LRRC37A2: variants seen among roughly 807,000 people sequenced by gnomAD.
LRRC37A2 encodes leucine-rich repeat-containing protein 37A2.
A neutral mutation model predicts 68.8 loss-of-function variants in LRRC37A2; 9 were observed. The observed-to-expected ratio is 0.13, with a 90% confidence interval of 0.08 to 0.23. The LOEUF (loss-of-function observed/expected upper bound fraction) is 0.23, where lower values mean the gene tolerates loss of function less well. Ranked by LOEUF, LRRC37A2 falls within the 10% of genes least tolerant of loss-of-function variation. LRRC37A2 has a pLI of 1.00. For missense variants in LRRC37A2, 168 were observed against 950.4 expected, an observed-to-expected ratio of 0.18 and a Z score of 10.82; for synonymous variants, 63 against 367.6, an observed-to-expected ratio of 0.17 and a Z score of 9.48.
the LRRC37A2 span, among the ~76,000 whole-genome samples, chr17:46,812,460 G>T: frequency 1.3e-5 from 2 of 152,182 alleles, no homozygotes; most frequent in Admixed American, 1.3e-4. Flanking sequence ...TGCTCAGGCT[G>T]CTCTGGGCGG....
the LRRC37A2 span, chr17:46,875,144 C>T: frequency 6.2e-7 from 1 of 1,613,984 alleles, no homozygotes; most frequent in African/African-American, 1.3e-5. Flanking sequence ...CCTCTGCCGC[C>T]CTCACCCACA....
At chr17:46,830,289 T>A in the LRRC37A2 span, among the ~76,000 whole-genome samples, 2 of 152,214 alleles carry the variant, frequency 1.3e-5, no homozygotes, top group African/African-American at 4.8e-5. Context: ...TCTCGCTCTG[T>A]CGCCTGGGCT....
chr17:46,994,889 A>G, the LRRC37A2 span, among the ~76,000 whole-genome samples: 3 of 152,176 alleles, frequency 2.0e-5, no homozygotes, highest in Admixed American at 2.0e-4. Context: ...TGGGAGGCCA[A>G]AGTGGGTGGA....
the LRRC37A2 span, among the ~76,000 whole-genome samples, chr17:46,779,909 T>A: frequency 6.6e-6 from 1 of 152,072 alleles, no homozygotes; most frequent in Non-Finnish European, 1.5e-5. Flanking sequence ...GAGGCATGCG[T>A]CACCATGCCC....
chr17:46,781,104 T>G, the LRRC37A2 span, among the ~76,000 whole-genome samples: 42 of 152,052 alleles, frequency 2.8e-4, no homozygotes, highest in African/African-American at 9.6e-4. Context: ...GGTGCGTGCC[T>G]GTAGTCCCAG....
chr17:46,713,924 A>G, the LRRC37A2 span: 1 of 1,612,444 alleles, frequency 6.2e-7, no homozygotes, highest in South Asian at 1.1e-5. Context: ...GTTCATCAAG[A>G]TCTGTTCTCC....
chr17:46,819,940 C>T, the LRRC37A2 span, among the ~76,000 whole-genome samples: 1 of 152,244 alleles, frequency 6.6e-6, no homozygotes, highest in Admixed American at 6.5e-5. This position sits in a 1 kb window ranked among gnomAD's most constrained non-coding sequence, Gnocchi z 5.3. Context: ...CAGGACTCTG[C>T]GCAGCCCCGG....
At chr17:46,854,033 C>T in the LRRC37A2 span, among the ~76,000 whole-genome samples, 4,126 of 152,268 alleles carry the variant, frequency 0.027, 76 homozygotes, top group Non-Finnish European at 0.042. Flanking sequence ...GGAGCCACCT[C>T]TTCCAGGTCA....
chr17:46,824,288 G>C, the LRRC37A2 span, among the ~76,000 whole-genome samples: 2 of 151,968 alleles, frequency 1.3e-5, no homozygotes, highest in Non-Finnish European at 2.9e-5. Context: ...TTGCTCTGTC[G>C]CTCAGGCTGG....
At chr17:46,749,283 C>T in the LRRC37A2 span, among the ~76,000 whole-genome samples, 1 of 152,068 alleles carries the variant, frequency 6.6e-6, no homozygotes. Context: ...TTAAATGTGA[C>T]AATTATGGAA....
the LRRC37A2 span, among the ~76,000 whole-genome samples, chr17:46,848,816 A>T: frequency 6.6e-6 from 1 of 152,162 alleles, no homozygotes; most frequent in African/African-American, 2.4e-5. Flanking sequence ...CTGCTACGTC[A>T]GCTCTCCCAG....
At chr17:46,786,473 C>G in the LRRC37A2 span, among the ~76,000 whole-genome samples, 22 of 152,226 alleles carry the variant, frequency 1.4e-4, no homozygotes, top group African/African-American at 5.3e-4. Context: ...AGGCAGGGAC[C>G]TCACTCTTCA....
At chr17:46,873,023 A>G in the LRRC37A2 span, among the ~76,000 whole-genome samples, 1 of 151,858 alleles carries the variant, frequency 6.6e-6, no homozygotes, top group South Asian at 2.1e-4. Context: ...GAGGAGACAC[A>G]AGCCTATTCC....
At chr17:46,876,501 A>G in the LRRC37A2 span, 2 of 1,613,398 alleles carry the variant, frequency 1.2e-6, no homozygotes, top group East Asian at 2.2e-5. Flanking sequence ...TACATGGAGG[A>G]CTCACCCAGC....
At chr17:46,685,080 TAAAAC>T in the LRRC37A2 span, among the ~76,000 whole-genome samples, 1 of 122,812 alleles carries the variant, frequency 8.1e-6, no homozygotes, top group Admixed American at 9.7e-5. Flanking sequence ...TAGTACTACT[TAAAAC>T]AGAAACTCAG....
the LRRC37A2 span, among the ~76,000 whole-genome samples, chr17:46,707,301 C>T: frequency 6.6e-6 from 1 of 152,202 alleles, no homozygotes; most frequent in African/African-American, 2.4e-5. Context: ...AAGTCTTTTG[C>T]CTGTTTTTCT....
the LRRC37A2 span, among the ~76,000 whole-genome samples, chr17:46,733,586 T>C: frequency 6.6e-6 from 1 of 152,194 alleles, no homozygotes; most frequent in African/African-American, 2.4e-5. Context: ...CTTCCCAACC[T>C]TTTTAGATTA....
At chr17:46,811,811 G>A in the LRRC37A2 span, among the ~76,000 whole-genome samples, 1 of 152,150 alleles carries the variant, frequency 6.6e-6, no homozygotes, top group Non-Finnish European at 1.5e-5. Flanking sequence ...TCAAATATTA[G>A]CCAGGCATCC....
chr17:46,880,431 A>T, the LRRC37A2 span, among the ~76,000 whole-genome samples: 1 of 152,228 alleles, frequency 6.6e-6, no homozygotes, highest in African/African-American at 2.4e-5. Flanking sequence ...GGGATCTCTT[A>T]TTGAGCACCA....
Sources: allele counts gnomAD v4.1 joint callset (sites outside exome capture counted in the v4.1 genomes callset), GRCh38; gene constraint gnomAD v4.1.1; non-coding constraint Gnocchi (gnomAD v3.1); transcripts MANE v1.5; gene names NCBI Gene and HGNC (gene_info 2026-07-23, HGNC 2026-07-21).